GALNTL6: variants seen among roughly 807,000 people sequenced by gnomAD.
GALNTL6 encodes polypeptide N-acetylgalactosaminyltransferase-like 6.
In GALNTL6, 46 loss-of-function variants were observed where a neutral mutation model predicts 73.7. The observed-to-expected ratio is 0.62, with a 90% CI of 0.49 to 0.80. The LOEUF (loss-of-function observed/expected upper bound fraction) is 0.80. Among genes scored for constraint, GALNTL6 ranks in the 30% least tolerant of loss-of-function variants. GALNTL6 has a pLI of 0.00. For missense variants in GALNTL6, 604 were observed against 755.0 expected (o/e 0.80, Z 2.34); for synonymous variants, 259 against 263.7 (o/e 0.98, Z 0.17).
chr4:172,337,175 G>A (rs905005152), intron 4 of GALNTL6, among the ~76,000 whole-genome samples: 1 of 151,450 alleles, frequency 6.6e-6, no homozygotes, highest in African/African-American at 2.4e-5. Context: ...CATTTAAGAT[G>A]GTTCTCTTGA....
intron 5 of GALNTL6, among the ~76,000 whole-genome samples, chr4:172,429,148 C>T (rs1455168718): frequency 2.3e-5 from 3 of 127,846 alleles, no homozygotes; most frequent in African/African-American, 5.3e-5. Context: ...CTCCCCAAAG[C>T]CCCACCTCTT....
chr4:172,298,069 A>G (rs1042046412), intron 3 of GALNTL6, among the ~76,000 whole-genome samples: 4 of 152,136 alleles, frequency 2.6e-5, no homozygotes, highest in African/African-American at 9.7e-5. Flanking sequence ...GGTCCTTCAC[A>G]TCCCTTGTAA....
At chr4:172,319,451 T>C (rs1740680699) in intron 4 of GALNTL6, among the ~76,000 whole-genome samples, 1 of 152,218 alleles carries the variant, frequency 6.6e-6, no homozygotes, top group Non-Finnish European at 1.5e-5. Context: ...TTATCTCATT[T>C]ATAAAGATTC....
intron 2 of GALNTL6, among the ~76,000 whole-genome samples, chr4:171,915,992 A>C (rs1418012014): frequency 6.6e-6 from 1 of 152,170 alleles, no homozygotes; most frequent in Non-Finnish European, 1.5e-5. Flanking sequence ...TTCTTCTTTT[A>C]GAAAATTATT....
At chr4:172,164,481 GT>G (rs1734563702) in intron 2 of GALNTL6, among the ~76,000 whole-genome samples, 2 of 151,794 alleles carry the variant, frequency 1.3e-5, no homozygotes, top group Non-Finnish European at 2.9e-5. Flanking sequence ...GAAAATTATG[GT>G]TTTTAATTAA....
At chr4:171,858,995 C>T (rs1290001943) in intron 2 of GALNTL6, among the ~76,000 whole-genome samples, 1 of 152,056 alleles carries the variant, frequency 6.6e-6, no homozygotes, top group Non-Finnish European at 1.5e-5. Flanking sequence ...GTGCAATATA[C>T]CGGCTTCTCA....
intron 5 of GALNTL6, among the ~76,000 whole-genome samples, chr4:172,542,988 TCG>T (rs1437825063): frequency 6.6e-6 from 1 of 151,788 alleles, no homozygotes; most frequent in South Asian, 2.1e-4. Flanking sequence ...TCTCAGCTAC[TCG>T]GGAGGCTGAG....
At chr4:172,222,950 C>A (rs1046725403) in intron 2 of GALNTL6, among the ~76,000 whole-genome samples, 1 of 151,858 alleles carries the variant, frequency 6.6e-6, no homozygotes, top group Non-Finnish European at 1.5e-5. Flanking sequence ...AAGACATAAA[C>A]CAGCACAATA....
chr4:172,836,470 T>A (rs1295335596), intron 7 of GALNTL6, among the ~76,000 whole-genome samples: 1 of 152,238 alleles, frequency 6.6e-6, no homozygotes, highest in African/African-American at 2.4e-5. Context: ...AACCTGTGTT[T>A]GGAGATGACT....
chr4:171,837,781 C>T (rs961767371), intron 2 of GALNTL6, among the ~76,000 whole-genome samples: 6 of 149,588 alleles, frequency 4.0e-5, no homozygotes, highest in African/African-American at 1.5e-4. Context: ...AGGGGGAAAA[C>T]GCCCATGAGG....
intron 2 of GALNTL6, among the ~76,000 whole-genome samples, chr4:171,927,242 C>T (rs1020253208): frequency 6.6e-6 from 1 of 152,048 alleles, no homozygotes; most frequent in Admixed American, 6.6e-5. Flanking sequence ...AAGATGCCTT[C>T]TTCAATGTAT....
chr4:172,088,789 G>C (rs145365761), intron 2 of GALNTL6, among the ~76,000 whole-genome samples: 1 of 152,150 alleles, frequency 6.6e-6, no homozygotes, highest in African/African-American at 2.4e-5. Context: ...TCCTGTGCTC[G>C]AGAGAGACAG....
intron 7 of GALNTL6, among the ~76,000 whole-genome samples, chr4:172,853,788 A>G (rs1464508477): frequency 6.6e-6 from 1 of 152,156 alleles, no homozygotes; most frequent in East Asian, 1.9e-4. Context: ...TATAATTTTT[A>G]TGTCTTTGCT....
intron 10 of GALNTL6, 112 bp from the exon 11 acceptor site, chr4:173,009,066 C>A: frequency 1.4e-6 from 1 of 726,734 alleles, no homozygotes; most frequent in South Asian, 1.6e-5. Context: ...ATTCAATATG[C>A]ATGTAACCAA....
chr4:172,084,219 G>A (rs548410275), intron 2 of GALNTL6, among the ~76,000 whole-genome samples: 2 of 152,270 alleles, frequency 1.3e-5, no homozygotes, highest in South Asian at 4.1e-4. Flanking sequence ...AAGAAGATTG[G>A]TAAAATATAT....
At chr4:172,042,740 TTCTG>T (rs1023825623) in intron 2 of GALNTL6, among the ~76,000 whole-genome samples, 4 of 151,668 alleles carry the variant, frequency 2.6e-5, no homozygotes, top group Admixed American at 6.6e-5. Context: ...CTCTCTTTCT[TTCTG>T]TCTTTCTCTG....
Position 172,216,805 on chromosome 4 carries a change from C to T in GALNTL6, c.139-12851C>T, listed in dbSNP as rs115961495. On this transcript the variant is annotated intron_variant, in intron 2 of 12. Coordinates refer to ENST00000506823, the MANE Select transcript of GALNTL6 (RefSeq NM_001034845.3). ...CCCGAGAACATGTGTCCAAGGTGGT[C>T]GGGGCGCAGCTTGGTTTTATACAGT... is the stretch of plus-strand genomic sequence containing the variant. Among the ~76,000 whole-genome samples, 1,222 of 152,024 alleles carry T rather than the reference C, an allele frequency of 8.0e-3. 15 individuals carry two copies. Among genetic ancestry groups the T allele is most frequent in the African/African-American group, 0.028 (1,161 of 41,444 alleles).
intron 5 of GALNTL6, among the ~76,000 whole-genome samples, chr4:172,776,550 A>G (rs1739084262): frequency 6.6e-6 from 1 of 152,214 alleles, no homozygotes; most frequent in African/African-American, 2.4e-5. Flanking sequence ...CTGACTCTCT[A>G]TACATTGTTA....
intron 12 of GALNTL6, among the ~76,000 whole-genome samples, chr4:173,037,259 C>T (rs185596908): frequency 1.2e-3 from 176 of 152,304 alleles, no homozygotes; most frequent in Non-Finnish European, 2.2e-3. Flanking sequence ...GTCTCTGTCA[C>T]TAGTGACCTT....
Sources: allele counts gnomAD v4.1 joint callset (sites outside exome capture counted in the v4.1 genomes callset), GRCh38; gene constraint gnomAD v4.1.1; transcripts MANE v1.5; gene names NCBI Gene and HGNC (gene_info 2026-07-23, HGNC 2026-07-21).